Variants in ADCY8 observed in about 807,000 individuals in gnomAD.
ADCY8 encodes the protein adenylate cyclase type 8.
Under a neutral mutation model 119.7 loss-of-function variants are expected in ADCY8, and 51 were observed. The observed-to-expected ratio is 0.43, with a 90% confidence interval of 0.34 to 0.54. ADCY8 has a LOEUF of 0.54. Ranked by LOEUF, ADCY8 falls within the 20% of genes least tolerant of loss-of-function variation. The pLI is 0.03. For missense variants in ADCY8, 1,383 were observed against 1,598.8 expected, an observed-to-expected ratio of 0.87 and a Z score of 2.30; for synonymous variants, 665 against 651.0, an observed-to-expected ratio of 1.02 and a Z score of -0.33.
At chr8:130,983,181 G>A (rs112439276) in intron 2 of ADCY8, among the ~76,000 whole-genome samples, 80 of 152,358 alleles carry the variant, frequency 5.3e-4, no homozygotes, top group African/African-American at 1.8e-3. Context: ...CCCAAGGTTA[G>A]GAAGGGCAGG....
intron 1 of ADCY8, among the ~76,000 whole-genome samples, chr8:131,034,682 G>A (rs1824096034): frequency 6.6e-6 from 1 of 151,906 alleles, no homozygotes; most frequent in Non-Finnish European, 1.5e-5. Context: ...GACTGCCTTT[G>A]ATTGTACAGT....
chr8:130,933,072 A>ATTGG (rs1820681804), intron 5 of ADCY8, among the ~76,000 whole-genome samples: 1 of 152,194 alleles, frequency 6.6e-6, no homozygotes, highest in Non-Finnish European at 1.5e-5. Context: ...TGGTATCCTA[A>ATTGG]CTTTGAGAAA....
intron 7 of ADCY8, among the ~76,000 whole-genome samples, chr8:130,895,174 A>G (rs1819342989): frequency 6.6e-6 from 1 of 152,128 alleles, no homozygotes; most frequent in Admixed American, 6.6e-5. Context: ...AATATCATAC[A>G]TTTCCACCTT....
intron 13 of ADCY8, among the ~76,000 whole-genome samples, chr8:130,819,358 G>A (rs753514519): frequency 1.1e-4 from 16 of 152,216 alleles, no homozygotes; most frequent in African/African-American, 2.9e-4. Flanking sequence ...TTACATACCC[G>A]TACTTTACCT....
At chr8:130,836,552 A>C in intron 11 of ADCY8, 103 bp from the exon 12 acceptor site, 2 of 1,284,422 alleles carry the variant, frequency 1.6e-6, no homozygotes, top group Non-Finnish European at 2.1e-6. Flanking sequence ...GAGAGTTTCC[A>C]TTTGGAGGTC....
At chr8:130,787,877 T>C (rs1815307677) in intron 15 of ADCY8, among the ~76,000 whole-genome samples, 1 of 152,014 alleles carries the variant, frequency 6.6e-6, no homozygotes, top group Non-Finnish European at 1.5e-5. Flanking sequence ...TACATATGTG[T>C]GTGGTGTTTA....
At position 131,040,563 on chromosome 8, in the gene ADCY8, C is replaced by G; in HGVS notation, c.-230G>C. 2.4e-6 allele frequency: 1 copy of G among 419,470 alleles called. No homozygotes were observed. 26.0% of individuals were successfully genotyped at this position (419,470 alleles called of 1,614,324 possible). A position where few individuals can be genotyped will look rare whatever the true frequency, so the allele number is the denominator to read the frequency against. ...CGGACCTCGGCGTCCTTGCGTGCTGCTCTCCCGCCAGCCGGCGCAGCTTGG... is the reference window on the plus strand; with the variant it reads ...CGGACCTCGGCGTCCTTGCGTGCTGGTCTCCCGCCAGCCGGCGCAGCTTGG... On this transcript the variant is annotated 5_prime_UTR_variant, in exon 1 of 18. Transcript: ENST00000286355.
intron 5 of ADCY8, among the ~76,000 whole-genome samples, chr8:130,923,014 A>G (rs1820361491): frequency 6.6e-6 from 1 of 152,246 alleles, no homozygotes; most frequent in Non-Finnish European, 1.5e-5. Flanking sequence ...ACATTCTATC[A>G]ATATTAGTTT....
chr8:130,938,236 G>A (rs1820848408), intron 4 of ADCY8, among the ~76,000 whole-genome samples: 2 of 152,086 alleles, frequency 1.3e-5, no homozygotes. Flanking sequence ...TAATCATAGG[G>A]CCTGTCCCCT....
At chr8:130,812,576 CAAGAA>C (rs1816203016) in intron 14 of ADCY8, among the ~76,000 whole-genome samples, 3 of 152,184 alleles carry the variant, frequency 2.0e-5, no homozygotes, top group Non-Finnish European at 4.4e-5. Context: ...TGGCCACAGC[CAAGAA>C]ACTCCTGGGC....
At chr8:130,921,449 C>CTT (rs35570520) in intron 5 of ADCY8, among the ~76,000 whole-genome samples, 2,695 of 107,566 alleles carry the variant, frequency 0.025, 57 homozygotes, top group South Asian at 0.076. Flanking sequence ...TTTTTCTTTT[C>CTT]TTTTTTTTTT....
chr8:131,022,244 G>A (rs1198025922), intron 1 of ADCY8, among the ~76,000 whole-genome samples: 1 of 152,110 alleles, frequency 6.6e-6, no homozygotes, highest in Non-Finnish European at 1.5e-5. Context: ...ATCTACATTA[G>A]GTAATTCTTC....
At chr8:130,974,227 G>A (rs938335541) in intron 2 of ADCY8, among the ~76,000 whole-genome samples, 2 of 152,268 alleles carry the variant, frequency 1.3e-5, no homozygotes, top group African/African-American at 4.8e-5. Context: ...TCTTGGATGA[G>A]GGACAGATGC....
chr8:130,879,497 G>A (rs1818690368), intron 8 of ADCY8, among the ~76,000 whole-genome samples: 2 of 152,120 alleles, frequency 1.3e-5, no homozygotes, highest in African/African-American at 4.8e-5. Context: ...TTACCAAATT[G>A]ACAAGTTTTT....
intron 14 of ADCY8, among the ~76,000 whole-genome samples, chr8:130,813,198 G>C (rs1262467510): frequency 6.6e-6 from 1 of 152,122 alleles, no homozygotes; most frequent in Non-Finnish European, 1.5e-5. Flanking sequence ...CCACCCGCCT[G>C]AGCCTCCCAA....
At chr8:131,014,349 T>C (rs1192551103) in intron 1 of ADCY8, among the ~76,000 whole-genome samples, 2 of 152,238 alleles carry the variant, frequency 1.3e-5, no homozygotes, top group Non-Finnish European at 2.9e-5. Flanking sequence ...TGCTGAGTTA[T>C]ATACCTTGTG....
intron 2 of ADCY8, among the ~76,000 whole-genome samples, chr8:130,974,310 T>C (rs1261760162): frequency 6.6e-6 from 1 of 152,200 alleles, no homozygotes; most frequent in Non-Finnish European, 1.5e-5. Flanking sequence ...CTAATGGCTC[T>C]AGCTAGAGAC....
chr8:130,783,628 G>T, intron 17 of ADCY8, 63 bp downstream of exon 17: 1 of 1,179,450 alleles, frequency 8.5e-7, no homozygotes, highest in Non-Finnish European at 1.2e-6. Context: ...CCCAAGGCAG[G>T]GGAGGGTCTG....
rs1007898263 is a variant in ADCY8 at position 131,039,786 on chromosome 8, A to G, written c.548T>C (p.Val183Ala). ...CAGCACGTCCAGCACGTTCATCACCACTTCCGATTTGCGCCTTTGGCCCAA... is the reference window on the plus strand; with the variant it reads ...CAGCACGTCCAGCACGTTCATCACCGCTTCCGATTTGCGCCTTTGGCCCAA... ...YFLGQRRKSEVVMNVLDVLTK... is the reference protein window; with the variant it reads ...YFLGQRRKSEAVMNVLDVLTK... The change falls in exon 1 of 18, where the codon GTG becomes GCG. Residue 183 changes from valine to alanine, a missense_variant. Physicochemically the swap from Val to Ala is moderately conservative, Grantham distance 64 (BLOSUM62 0). Around this residue, in one of 2 missense-constraint regions of ADCY8, gnomAD observed 455 missense variants for 435.3 expected, o/e 1.05. Transcript: ENST00000286355. 8 of 1,614,150 alleles carry G rather than the reference A, an allele frequency of 5.0e-6. No individual in the cohort carries two copies. The highest frequency in any genetic ancestry group is 6.8e-6 in the Non-Finnish European group (8 of 1,180,018).
Sources: gnomAD v4.1 joint callset for allele counts (sites outside exome capture counted in the v4.1 genomes callset) on GRCh38, gnomAD v4.1.1 for gene constraint, gnomAD v4.1.1 regional missense constraint, MANE v1.5 for transcripts, NCBI Gene and HGNC (gene_info 2026-07-23, HGNC 2026-07-21) for gene names.